Variants in ZER1 observed in about 807,000 individuals in gnomAD.
ZER1 encodes the protein protein zer-1 homolog.
ZER1 carries 11 observed loss-of-function variants against 78.8 expected under a neutral mutation model. That is an observed-to-expected ratio of 0.14 (90% CI 0.09 to 0.23). The LOEUF is 0.23. Among genes scored for constraint, ZER1 ranks in the 10% least tolerant of loss-of-function variants. ZER1 has a pLI of 1.00. For missense variants in ZER1, 588 were observed against 996.9 expected, an observed-to-expected ratio of 0.59 and a Z score of 5.52; for synonymous variants, 400 against 407.0, an observed-to-expected ratio of 0.98 and a Z score of 0.21.
At chr9:128,734,588 C>A (rs999420105) in intron 14 of ZER1, among the ~76,000 whole-genome samples, 1 of 152,108 alleles carries the variant, frequency 6.6e-6, no homozygotes, top group Admixed American at 6.6e-5. Context: ...CCCACCTCAG[C>A]CTCCCTAAGT....
At chr9:128,738,198 C>CTG (rs1863155124) in intron 13 of ZER1, among the ~76,000 whole-genome samples, 1 of 147,474 alleles carries the variant, frequency 6.8e-6, no homozygotes, top group Non-Finnish European at 1.5e-5. Context: ...GCGCATGCCA[C>CTG]CACGCCCGGC....
rs566470326 is a variant in ZER1, at chr9:128,751,525, A to G, written c.926T>C (p.Ile309Thr). ...TATGATGCTGCTCTTGGAAGGCTCAATGCTGGGGAAAGAGGGTGCCGGTGT... is the reference window on the plus strand; with the variant it reads ...TATGATGCTGCTCTTGGAAGGCTCAGTGCTGGGGAAAGAGGGTGCCGGTGT... ...KMEEEAGQTS[I>T]EPSKSSIIPF... Residue 309 changes from isoleucine to threonine, a missense_variant and splice_region_variant, in exon 6 of 16, where the codon ATT (isoleucine) becomes ACT (threonine). By Grantham distance (89) the Ile-to-Thr change is moderately conservative. Around this residue, in one of 3 missense-constraint regions of ZER1, gnomAD observed 406 missense variants for 660.1 expected, o/e 0.62. Transcript: ENST00000291900. The surrounding 1 kb of genome is among the most constrained non-coding windows in gnomAD (Gnocchi z 5.4). 1.4e-5 allele frequency: 22 copies of G among 1,612,762 alleles called. No individual in the cohort carries two copies. The African/African-American group carries it at 2.3e-4, about 17-fold the overall frequency.
chr9:128,753,599 T>C lies in ZER1; in HGVS notation c.311A>G (p.Asp104Gly). The change falls in exon 4 of 16, where the codon GAC becomes GGC. Residue 104 changes from aspartate (D) to glycine (G), a missense_variant and splice_region_variant. Physicochemically the swap from Asp to Gly is moderately conservative, Grantham distance 94. Coordinates refer to ENST00000291900, the MANE Select transcript of ZER1 (RefSeq NM_006336.4). The surrounding 1 kb of genome is among the most constrained non-coding windows in gnomAD (Gnocchi z 7.5). ...DQDLEAIRKQ[D>G]LVELYLTNCE... ...GTTAGTCAGGTACAGCTCCACCAGG[T>C]CCTGGGAGTGGGCACAGCTCCATCA... 1 of 1,612,468 alleles carries C rather than the reference T, an allele frequency of 6.2e-7. No homozygotes were observed. The highest frequency in any genetic ancestry group is 8.5e-7 in the Non-Finnish European group (1 of 1,179,410).
rs1292555807 is a variant in ZER1 at position 128,751,538 on chromosome 9, A to G, written c.924-11T>C. The G allele has an allele frequency of 1.2e-6, 2 of 1,610,834 alleles. No homozygotes were observed. The highest frequency in any genetic ancestry group is 1.7e-6 in the Non-Finnish European group (2 of 1,179,534). ...TTGGAAGGCTCAATGCTGGGGAAAG[A>G]GGGTGCCGGTGTCAGTGGCTTGGGA... On this transcript the variant is annotated splice_polypyrimidine_tract_variant and intron_variant, in intron 5 of 15. Transcript: ENST00000291900. The surrounding 1 kb of genome is among the most constrained non-coding windows in gnomAD (Gnocchi z 5.4).
At chr9:128,758,900 C>T (rs562290644) in intron 1 of ZER1, among the ~76,000 whole-genome samples, 41 of 152,274 alleles carry the variant, frequency 2.7e-4, no homozygotes, top group African/African-American at 8.9e-4. Context: ...TGCTGAGGAG[C>T]TTCTAGTCTC....
intron 8 of ZER1, among the ~76,000 whole-genome samples, chr9:128,749,691 C>T (rs1863613474): frequency 6.6e-6 from 1 of 151,940 alleles, no homozygotes; most frequent in African/African-American, 2.4e-5. Flanking sequence ...AGGAGAATCA[C>T]TTGAACCCGC....
chr9:128,739,561 G>C (rs1026346965), intron 13 of ZER1, among the ~76,000 whole-genome samples: 2 of 151,512 alleles, frequency 1.3e-5, no homozygotes, highest in Non-Finnish European at 2.9e-5. Context: ...TCCTGTCTCA[G>C]CTTCCCAAAG....
At chr9:128,752,630 T>C (rs1311752340) in intron 5 of ZER1, 43 bp downstream of exon 5, 2 of 1,570,144 alleles carry the variant, frequency 1.3e-6, no homozygotes, top group East Asian at 2.3e-5. Flanking sequence ...TAAATGCCTG[T>C]TGAATGACAC....
At chr9:128,743,354 G>A (rs1863371137) in intron 8 of ZER1, among the ~76,000 whole-genome samples, 1 of 152,136 alleles carries the variant, frequency 6.6e-6, no homozygotes, top group African/African-American at 2.4e-5. Flanking sequence ...AGCCTCAAGT[G>A]ATCTGCCTGC....
rs374171414 is a variant in ZER1, at chr9:128,767,916, C to G, written c.-95+3665G>C. 8.5e-5 allele frequency among the ~76,000 whole-genome samples: 13 copies of G among 152,266 alleles called. No individual in the cohort carries two copies. In the East Asian group the frequency reaches 9.7e-4, roughly 11 times the overall value. On this transcript the variant is annotated intron_variant, in intron 1 of 15. Transcript: ENST00000291900. The stretch of plus-strand genomic sequence containing the variant: ...GAGTGGCTCAATGCCAGTGACAGGG[C>G]CTCGGCTCCACAAGATCCCCAGCCA...
At chr9:128,767,357 C>T (rs1045633977) in intron 1 of ZER1, among the ~76,000 whole-genome samples, 2 of 152,076 alleles carry the variant, frequency 1.3e-5, no homozygotes, top group African/African-American at 4.8e-5. Context: ...AGCAATCTCC[C>T]ACCTCAGCCT....
chr9:128,737,401 A>G (rs553326117), intron 13 of ZER1, among the ~76,000 whole-genome samples: 1 of 152,294 alleles, frequency 6.6e-6, no homozygotes, highest in South Asian at 2.1e-4. Context: ...TTTCTCCCCA[A>G]GAACTATAGT....
At position 128,740,202 on chromosome 9, in the gene ZER1, C is replaced by T. The variant is rs1320231076; in HGVS notation, c.1854-83G>A. On this transcript the variant is annotated intron_variant, in intron 12 of 15. Transcript: ENST00000291900. The surrounding 1 kb of genome is among the most constrained non-coding windows in gnomAD (Gnocchi z 4.4). Reference sequence around the variant, plus strand: ...CAGCGGCAGGACCCCAACTTAAAACCAGAAGCAAGAGGTGCTACTTATTTC... The same window carrying T: ...CAGCGGCAGGACCCCAACTTAAAACTAGAAGCAAGAGGTGCTACTTATTTC... 7.3e-7 allele frequency: 1 copy of T among 1,369,814 alleles called. No individual in the cohort carries two copies. Among genetic ancestry groups the T allele is most frequent in the African/African-American group, 1.5e-5 (1 of 68,346 alleles). 84.9% of individuals were successfully genotyped at this position (1,369,814 alleles called of 1,614,324 possible).
rs779438418 is a variant in ZER1, at chr9:128,742,569, G to A, written c.1536C>T (p.Asn512=). 9 of 1,614,230 alleles carry A rather than the reference G, an allele frequency of 5.6e-6. No homozygotes were observed. The highest frequency in any genetic ancestry group is 7.6e-6 in the Non-Finnish European group (9 of 1,180,054). ...LCNALVCQVD[N]DHKEAVGKMG... ...TCTTGCCCACGGCCTCCTTGTGGTC[G>A]TTGTCTACCTGGCAGACCAGGGCAT... The change falls in exon 9 of 16, where the codon AAC becomes AAT. Residue 512 remains asparagine (N), a synonymous_variant. Coordinates refer to ENST00000291900, the MANE Select transcript of ZER1 (RefSeq NM_006336.4).
intron 1 of ZER1, among the ~76,000 whole-genome samples, chr9:128,759,671 T>C (rs1863980209): frequency 6.7e-6 from 1 of 150,340 alleles, no homozygotes; most frequent in Non-Finnish European, 1.5e-5. Flanking sequence ...GGCACGCACC[T>C]GTAGTCCCAG....
In ZER1 at chr9:128,750,625, C is replaced by T. The variant is rs774036156; in HGVS notation, c.1350G>A (p.Gln450=). 6.2e-7 allele frequency: 1 copy of T among 1,614,080 alleles called. No homozygotes were observed. Among genetic ancestry groups the T allele is most frequent in the Non-Finnish European group, 8.5e-7 (1 of 1,179,914 alleles). The change falls in exon 8 of 16, where the codon CAG becomes CAA. Residue 450 remains glutamine (Q), a synonymous_variant. Transcript: ENST00000291900. ...GCGGGTGGGGGCTCACCGTCACCTC[C>T]TGGTAGGATTCCATGCCATTCAGCA... ...QVVLNGMESY[Q]EVTVQRNCCL...
chr9:128,768,500 C>G (rs892635560), intron 1 of ZER1, among the ~76,000 whole-genome samples: 4 of 152,136 alleles, frequency 2.6e-5, no homozygotes, highest in African/African-American at 9.7e-5. Flanking sequence ...GGAGATGGAA[C>G]CTGCCTAACT....
In ZER1 at chr9:128,755,690, A is replaced by C; in HGVS notation, c.-94-31T>G. The C allele has an allele frequency of 1.6e-6, 2 of 1,263,634 alleles. No individual in the cohort carries two copies. The highest frequency in any genetic ancestry group is 2.2e-6 in the Non-Finnish European group (2 of 915,512). 78.3% of individuals were successfully genotyped at this position (1,263,634 alleles called of 1,614,324 possible). A position where few individuals can be genotyped will look rare whatever the true frequency, so the allele number is the denominator to read the frequency against. On this transcript the variant is annotated intron_variant, in intron 1 of 15. Transcript: ENST00000291900. This position sits in a 1 kb window ranked among gnomAD's most constrained non-coding sequence, Gnocchi z 5.6. The stretch of plus-strand genomic sequence containing the variant: ...GAGTGGACAAGATGCCAAGTGAGCC[A>C]CACACAAGGGCTAGAACTATCAGTG...
In ZER1 at chr9:128,732,513, G is replaced by T. The variant is rs1455877236; in HGVS notation, c.2243+913C>A. 1.3e-5 allele frequency among the ~76,000 whole-genome samples: 2 copies of T among 152,118 alleles called. No individual in the cohort carries two copies. The highest frequency in any genetic ancestry group is 2.9e-5 in the Non-Finnish European group (2 of 68,036). On this transcript the variant is annotated intron_variant, in intron 15 of 15. Coordinates refer to ENST00000291900, the MANE Select transcript of ZER1 (RefSeq NM_006336.4). The surrounding 1 kb of genome is among the most constrained non-coding windows in gnomAD (Gnocchi z 4.8). ...GCCTCCCAAGTGGCTGGGATTACAG[G>T]CACGTACCACCACGCCGAGCTAATT...
Sources: allele counts gnomAD v4.1 joint callset (sites outside exome capture counted in the v4.1 genomes callset), GRCh38; gene constraint gnomAD v4.1.1; regional missense constraint gnomAD v4.1.1; non-coding constraint Gnocchi (gnomAD v3.1); transcripts MANE v1.5; gene names NCBI Gene and HGNC (gene_info 2026-07-23, HGNC 2026-07-21).